The following GABRG3 variants were observed in gnomAD, a reference collection of about 807,000 sequenced individuals.
GABRG3 encodes the protein gamma-aminobutyric acid receptor subunit gamma-3.
A neutral mutation model predicts 48.8 loss-of-function variants in GABRG3; 25 were observed. The ratio of observed to expected loss-of-function variants is 0.51; its 90% CI spans 0.37 to 0.72. The LOEUF (loss-of-function observed/expected upper bound fraction) is 0.72. Ranked by LOEUF, GABRG3 falls within the 30% of genes least tolerant of loss-of-function variation. The pLI, the probability that GABRG3 is intolerant of heterozygous loss-of-function variation, is 0.00. For synonymous variants in GABRG3, 227 were observed against 217.6 expected, an observed-to-expected ratio of 1.04 and a Z score of -0.38; for missense variants, 394 against 577.9, an observed-to-expected ratio of 0.68 and a Z score of 3.26.
At chr15:27,303,148 C>T (rs1892269644) in intron 3 of GABRG3, among the ~76,000 whole-genome samples, 1 of 150,730 alleles carries the variant, frequency 6.6e-6, no homozygotes, top group Admixed American at 6.6e-5. Flanking sequence ...AATTGAAAAC[C>T]AAGAACAGTA....
intron 6 of GABRG3, among the ~76,000 whole-genome samples, chr15:27,512,449 TGTTACAGAGCAGGA>T (rs1382069899): frequency 6.6e-6 from 1 of 152,134 alleles, no homozygotes; most frequent in Non-Finnish European, 1.5e-5. Context: ...TGGAGCTGCT[TGTTACAGAGCAGGA>T]GGCACGAGAA....
chr15:27,405,788 C>G (rs1887612656), intron 5 of GABRG3, among the ~76,000 whole-genome samples: 1 of 151,106 alleles, frequency 6.6e-6, no homozygotes, highest in African/African-American at 2.5e-5. Context: ...GTCTTGGTCT[C>G]TAAATATGAT....
intron 3 of GABRG3, among the ~76,000 whole-genome samples, chr15:27,048,846 TCTGA>T (rs5811474): frequency 0.092 from 13,946 of 152,212 alleles, 700 homozygotes; most frequent in East Asian, 0.14. Context: ...CCTGACCATC[TCTGA>T]CTGTATCTCC....
intron 3 of GABRG3, among the ~76,000 whole-genome samples, chr15:27,096,008 A>G (rs1425779990): frequency 6.6e-6 from 1 of 152,138 alleles, no homozygotes; most frequent in African/African-American, 2.4e-5. Flanking sequence ...AACAGCCACC[A>G]TATGGTCAGC....
At chr15:27,120,571 G>A (rs374072968) in intron 3 of GABRG3, among the ~76,000 whole-genome samples, 47 of 150,658 alleles carry the variant, frequency 3.1e-4, no homozygotes, top group African/African-American at 9.0e-4. Context: ...AGTAATTATG[G>A]AGTGATAAAA....
At chr15:27,336,210 G>C (rs1278722524) in intron 5 of GABRG3, among the ~76,000 whole-genome samples, 1 of 102,710 alleles carries the variant, frequency 9.7e-6, no homozygotes, top group Non-Finnish European at 1.8e-5. Flanking sequence ...AAGAAAGAAA[G>C]AGAGAGAGAG....
chr15:27,514,242 C>T (rs768011937), intron 6 of GABRG3, among the ~76,000 whole-genome samples: 5 of 152,226 alleles, frequency 3.3e-5, no homozygotes, highest in Non-Finnish European at 7.3e-5. Flanking sequence ...CAAATTGCCA[C>T]AAACTTAGTA....
At chr15:27,231,997 T>A (rs1039541807) in intron 3 of GABRG3, among the ~76,000 whole-genome samples, 1 of 152,194 alleles carries the variant, frequency 6.6e-6, no homozygotes, top group African/African-American at 2.4e-5. Flanking sequence ...AAGTAAATAA[T>A]AAAGCTGACT....
chr15:27,396,594 A>G (rs1240423353), intron 5 of GABRG3, among the ~76,000 whole-genome samples: 2 of 152,248 alleles, frequency 1.3e-5, no homozygotes, highest in African/African-American at 4.8e-5. Flanking sequence ...ATCAGGTTAC[A>G]CAAAGTAAAA....
At chr15:26,977,787 T>C (rs768212526) in intron 2 of GABRG3, among the ~76,000 whole-genome samples, 1 of 152,216 alleles carries the variant, frequency 6.6e-6, no homozygotes, top group African/African-American at 2.4e-5. Context: ...TGAGCACATT[T>C]ATATACAGGT....
chr15:27,190,169 A>G (rs1434809543), intron 3 of GABRG3, among the ~76,000 whole-genome samples: 2 of 152,162 alleles, frequency 1.3e-5, no homozygotes, highest in African/African-American at 4.8e-5. Flanking sequence ...TTCATCAAGG[A>G]TACTGGTCTA....
intron 3 of GABRG3, among the ~76,000 whole-genome samples, chr15:27,282,594 C>A (rs183685389): frequency 6.6e-6 from 1 of 152,142 alleles, no homozygotes; most frequent in East Asian, 1.9e-4. Context: ...TTTGTGTATG[C>A]GATTTTTCAT....
chr15:27,017,802 G>A (rs1376960688), intron 2 of GABRG3, among the ~76,000 whole-genome samples: 1 of 152,156 alleles, frequency 6.6e-6, no homozygotes, highest in Non-Finnish European at 1.5e-5. Flanking sequence ...TGTATCGTGT[G>A]GTTAAGTCAG....
intron 5 of GABRG3, among the ~76,000 whole-genome samples, chr15:27,346,171 C>T (rs978650334): frequency 2.2e-4 from 33 of 152,134 alleles, no homozygotes; most frequent in African/African-American, 7.0e-4. Context: ...CTATATTTCT[C>T]TTTTGAGGGA....
At chr15:27,041,167 A>G (rs1189523558) in intron 3 of GABRG3, among the ~76,000 whole-genome samples, 1 of 152,138 alleles carries the variant, frequency 6.6e-6, no homozygotes, top group Non-Finnish European at 1.5e-5. Flanking sequence ...CATCTTGTTT[A>G]GTTTATGTGT....
At chr15:27,164,454 A>G (rs1054268806) in intron 3 of GABRG3, among the ~76,000 whole-genome samples, 8 of 152,230 alleles carry the variant, frequency 5.3e-5, no homozygotes, top group Non-Finnish European at 1.2e-4. Context: ...GTATTAGCAC[A>G]CAAGACAAAT....
At chr15:27,129,556 C>A (rs1897879830) in intron 3 of GABRG3, among the ~76,000 whole-genome samples, 2 of 152,262 alleles carry the variant, frequency 1.3e-5, no homozygotes, top group South Asian at 2.1e-4. Flanking sequence ...TGGGTGTACA[C>A]CTGCAAGTAA....
intron 3 of GABRG3, among the ~76,000 whole-genome samples, chr15:27,270,481 C>A (rs1891047049): frequency 6.6e-6 from 1 of 152,124 alleles, no homozygotes; most frequent in Admixed American, 6.6e-5. Flanking sequence ...GTGAAGTAAG[C>A]CCTGCACAGA....
intron 3 of GABRG3, among the ~76,000 whole-genome samples, chr15:27,030,541 A>G (rs1239678035): frequency 6.6e-6 from 1 of 152,230 alleles, no homozygotes; most frequent in Non-Finnish European, 1.5e-5. Context: ...TTGTCGCTGC[A>G]ACATACCTAA....
Sources: allele counts gnomAD v4.1 joint callset (sites outside exome capture counted in the v4.1 genomes callset), GRCh38; gene constraint gnomAD v4.1.1; transcripts MANE v1.5; gene names NCBI Gene and HGNC (gene_info 2026-07-23, HGNC 2026-07-21).